The following RBFOX1 variants were observed in gnomAD, a reference collection of about 807,000 sequenced individuals.
RBFOX1 encodes RNA binding protein fox-1 homolog 1.
A neutral mutation model predicts 57.7 loss-of-function variants in RBFOX1; 8 were observed. That is an observed-to-expected ratio of 0.14 (90% confidence interval 0.08 to 0.25). The LOEUF is 0.25. RBFOX1 is among the 10% of genes least tolerant of loss of function. The probability of loss-of-function intolerance (pLI) is 1.00; values close to 1 mark genes in which losing one functional copy is unlikely to be tolerated. For missense variants in RBFOX1, 611 were observed against 548.5 expected, an observed-to-expected ratio of 1.11 and a Z score of -1.14; for synonymous variants, 326 against 222.4, an observed-to-expected ratio of 1.47 and a Z score of -4.15.
intron 2 of RBFOX1, among the ~76,000 whole-genome samples, chr16:5,563,986 T>TA (rs765581731): frequency 1.6e-4 from 25 of 152,162 alleles, no homozygotes; most frequent in Non-Finnish European, 3.4e-4. Context: ...CTGCTCCAAG[T>TA]ACTCAGTGTG....
At chr16:6,209,158 C>G (rs955895097) in intron 1 of RBFOX1, among the ~76,000 whole-genome samples, 1 of 152,210 alleles carries the variant, frequency 6.6e-6, no homozygotes, top group East Asian at 1.9e-4. Flanking sequence ...AAGGTGAAAT[C>G]TGAGCCCTTA....
At chr16:5,908,231 T>TATATACACAC (rs2058520348) in intron 4 of RBFOX1, among the ~76,000 whole-genome samples, 1 of 131,808 alleles carries the variant, frequency 7.6e-6, no homozygotes, top group Non-Finnish European at 1.5e-5. Flanking sequence ...TATACACACA[T>TATATACACAC]ATATATACAT....
intron 1 of RBFOX1, among the ~76,000 whole-genome samples, chr16:6,089,268 T>G (rs143319835): frequency 1.1e-4 from 16 of 152,202 alleles, no homozygotes; most frequent in African/African-American, 3.4e-4. Flanking sequence ...GGAAGCTTCT[T>G]GTAATGATTC....
rs549559116 is a variant in RBFOX1, at chr16:5,595,370, C to T, written c.259-3532C>T. On this transcript the variant is annotated intron_variant, in intron 2 of 2. Transcript: ENST00000585867. ...TCCTTGCTGCTGGGGATTCATGTCCCAGCTTTTGAAAGCTGTAAACTGAGG... is the reference window on the plus strand; with the variant it reads ...TCCTTGCTGCTGGGGATTCATGTCCTAGCTTTTGAAAGCTGTAAACTGAGG... 1.7e-4 allele frequency among the ~76,000 whole-genome samples: 26 copies of T among 152,260 alleles called. No homozygotes were observed. The South Asian group carries it at 5.2e-3, about 30-fold the overall frequency.
intron 9 of RBFOX1, 48 bp downstream of exon 9, chr16:7,597,479 C>G (rs2094765447): frequency 2.7e-6 from 4 of 1,470,174 alleles, no homozygotes; most frequent in Middle Eastern, 1.7e-4. Flanking sequence ...ACTTCTGACT[C>G]TTTAAGTAAT....
At chr16:6,578,588 G>GGTGT (rs1344034811) in intron 2 of RBFOX1, among the ~76,000 whole-genome samples, 1 of 11,168 alleles carries the variant, frequency 9.0e-5, no homozygotes, top group African/African-American at 1.8e-4. Flanking sequence ...TATGGGTATT[G>GGTGT]GTGTGTGTGC....
intron 11 of RBFOX1, among the ~76,000 whole-genome samples, chr16:7,638,295 C>T (rs112529048): frequency 0.017 from 2,661 of 152,286 alleles, 29 homozygotes; most frequent in Middle Eastern, 0.031. Flanking sequence ...ATTAATTATG[C>T]TACCTTTTCT....
At chr16:6,618,956 T>C (rs907774552) in intron 2 of RBFOX1, among the ~76,000 whole-genome samples, 2 of 152,132 alleles carry the variant, frequency 1.3e-5, no homozygotes, top group African/African-American at 4.8e-5. Flanking sequence ...TCACAGAGAA[T>C]GCAAAAGGGT....
intron 2 of RBFOX1, among the ~76,000 whole-genome samples, chr16:6,556,231 T>C (rs984182722): frequency 6.6e-6 from 1 of 152,218 alleles, no homozygotes; most frequent in African/African-American, 2.4e-5. Context: ...CGTCTCTCTA[T>C]CTACTTATCA....
intron 4 of RBFOX1, among the ~76,000 whole-genome samples, chr16:7,070,322 T>A (rs1401022260): frequency 6.6e-6 from 1 of 152,212 alleles, no homozygotes; most frequent in Admixed American, 6.5e-5. Flanking sequence ...ACAATATAGA[T>A]GCTTTCCTGG....
chr16:6,882,689 C>G (rs1180949101), intron 3 of RBFOX1, among the ~76,000 whole-genome samples: 1 of 152,142 alleles, frequency 6.6e-6, no homozygotes, highest in African/African-American at 2.4e-5. Context: ...GTATGGATAA[C>G]AACCATTCAG....
chr16:5,278,000 CT>C (rs1171473418), intron 1 of RBFOX1, among the ~76,000 whole-genome samples: 9 of 151,778 alleles, frequency 5.9e-5, no homozygotes, highest in African/African-American at 2.2e-4. Flanking sequence ...CACTGATATC[CT>C]TTTTTTTGGA....
At chr16:7,500,790 A>G (rs2070509385) in intron 4 of RBFOX1, among the ~76,000 whole-genome samples, 1 of 152,180 alleles carries the variant, frequency 6.6e-6, no homozygotes, top group African/African-American at 2.4e-5. Context: ...ATGGTTTGTC[A>G]GTGTCCCCAC....
chr16:6,756,963 G>A (rs924645935), intron 3 of RBFOX1, among the ~76,000 whole-genome samples: 13 of 147,982 alleles, frequency 8.8e-5, no homozygotes, highest in Non-Finnish European at 1.5e-4. Flanking sequence ...CACCAAGGGC[G>A]AAACTCCATC....
intron 4 of RBFOX1, among the ~76,000 whole-genome samples, chr16:7,121,468 C>G (rs2067167177): frequency 6.6e-6 from 1 of 151,940 alleles, no homozygotes; most frequent in African/African-American, 2.4e-5. Context: ...AAACCATTTA[C>G]AATAGCTCCA....
At chr16:7,488,556 C>T (rs1308390887) in intron 4 of RBFOX1, among the ~76,000 whole-genome samples, 1 of 145,566 alleles carries the variant, frequency 6.9e-6, no homozygotes, top group African/African-American at 2.4e-5. Context: ...ATACATACAT[C>T]AATCCATCAT....
chr16:7,597,312 T>C, intron 8 of RBFOX1, 59 bp from the exon 9 acceptor site: 1 of 1,286,396 alleles, frequency 7.8e-7, no homozygotes, highest in Middle Eastern at 1.9e-4. Flanking sequence ...TGCATGCAAC[T>C]AATTGAATTG....
intron 4 of RBFOX1, chr16:7,332,783 G>A (rs1316876132): frequency 7.2e-7 from 1 of 1,391,434 alleles, no homozygotes; most frequent in East Asian, 2.6e-5. Context: ...CTTTGCAGCT[G>A]CTGTGTCTCT....
chr16:7,333,532 C>G (rs1276364860), intron 4 of RBFOX1, among the ~76,000 whole-genome samples: 1 of 152,174 alleles, frequency 6.6e-6, no homozygotes, highest in Non-Finnish European at 1.5e-5. Flanking sequence ...CACGGATTGT[C>G]TATTTTCAGA....
Sources: gnomAD v4.1 joint callset for allele counts (sites outside exome capture counted in the v4.1 genomes callset) on GRCh38, gnomAD v4.1.1 for gene constraint, MANE v1.5 for transcripts, NCBI Gene and HGNC (gene_info 2026-07-23, HGNC 2026-07-21) for gene names.